The following DHX40 variants were observed in gnomAD, a reference collection of about 807,000 sequenced individuals.
The protein encoded by DHX40 is DEAH-box helicase 40.
In DHX40, 28 loss-of-function variants were observed where a neutral mutation model predicts 89.6. The observed-to-expected ratio is 0.31, with a 90% confidence interval of 0.23 to 0.43. The LOEUF is 0.43. Ranked by LOEUF, DHX40 falls within the 20% of genes least tolerant of loss-of-function variation. DHX40 has a pLI of 1.00. For missense variants in DHX40, 457 were observed against 844.0 expected, an observed-to-expected ratio of 0.54 and a Z score of 5.68; for synonymous variants, 226 against 283.6, an observed-to-expected ratio of 0.80 and a Z score of 2.04.
At chr17:59,570,746 C>T (rs755943490) in intron 3 of DHX40, 83 bp downstream of exon 3, 10 of 1,399,436 alleles carry the variant, frequency 7.1e-6, no homozygotes, top group Admixed American at 6.9e-5. Flanking sequence ...GTGCGTGGCG[C>T]AATCATGGCT....
intron 6 of DHX40, among the ~76,000 whole-genome samples, chr17:59,574,995 A>T (rs906607053): frequency 3.3e-5 from 5 of 152,070 alleles, no homozygotes; most frequent in Admixed American, 3.3e-4. Flanking sequence ...GCCTTTTTGG[A>T]GATTACTTAA....
chr17:59,570,059 A>G (rs954082016), intron 2 of DHX40, among the ~76,000 whole-genome samples: 2 of 98,822 alleles, frequency 2.0e-5, no homozygotes, highest in Non-Finnish European at 3.3e-5. Flanking sequence ...TATATAATAT[A>G]CATTATATTA....
At chr17:59,595,344 A>G (rs1043247499) in intron 12 of DHX40, among the ~76,000 whole-genome samples, 3 of 152,086 alleles carry the variant, frequency 2.0e-5, no homozygotes, top group East Asian at 3.8e-4. Context: ...CGGCCTCCCA[A>G]CATGCTGGGA....
At chr17:59,568,941 A>T (rs537523530) in intron 2 of DHX40, among the ~76,000 whole-genome samples, 1 of 152,040 alleles carries the variant, frequency 6.6e-6, no homozygotes, top group Non-Finnish European at 1.5e-5. Flanking sequence ...AGTTCAAGCA[A>T]TCCTCCTACC....
At position 59,586,195 on chromosome 17, in the gene DHX40, A is replaced by C; in HGVS notation, c.1386A>C (p.Glu462Asp). 8 of 1,593,112 alleles carry C rather than the reference A, an allele frequency of 5.0e-6. No homozygotes were observed. The highest frequency in any genetic ancestry group is 1.1e-5 in the South Asian group (1 of 87,196). ...CACCTAATGAGAGACTTATTTTAGA[A>C]GCTCTTAAACAACTTTACCAGTGTG... ...LDPPNERLIL[E>D]ALKQLYQCDA... The change falls in exon 11 of 18, where the codon GAA becomes GAC. Residue 462 changes from glutamate to aspartate, a missense_variant. Physicochemically the swap from Glu to Asp is conservative, Grantham distance 45. Around this residue, in one of 9 missense-constraint regions of DHX40, gnomAD observed 19 missense variants for 110.3 expected, o/e 0.17. Transcript: ENST00000251241.
At position 59,607,253 on chromosome 17, in the gene DHX40, C is replaced by G. The variant is rs774685746; in HGVS notation, c.*81C>G. The G allele has an allele frequency of 6.2e-7, 1 of 1,613,660 alleles. No homozygotes were observed. Among genetic ancestry groups the G allele is most frequent in the Non-Finnish European group, 8.5e-7 (1 of 1,179,850 alleles). On this transcript the variant is annotated 3_prime_UTR_variant, in exon 18 of 18. Coordinates refer to ENST00000251241, the MANE Select transcript of DHX40 (RefSeq NM_024612.5). The stretch of plus-strand genomic sequence containing the variant: ...ACTTTGCCAGTTATTTCAGACAGCA[C>G]TACCAAGAGGAGGTGGTCAGCACTT...
At chr17:59,602,417 T>C in intron 14 of DHX40, 105 bp from the exon 15 acceptor site, 1 of 1,014,878 alleles carries the variant, frequency 9.9e-7, no homozygotes, top group East Asian at 2.6e-5. Flanking sequence ...TCTTAATCTA[T>C]GTTGGCCAGA....
rs2030956134 is a variant in DHX40 at position 59,607,888 on chromosome 17, A to G, written c.*716A>G. ...ACCAAAGGACAGATGATATATATAT[A>G]TATGATATATATATATATATAAGTT... On this transcript the variant is annotated 3_prime_UTR_variant, in exon 18 of 18. Coordinates refer to ENST00000251241, the MANE Select transcript of DHX40 (RefSeq NM_024612.5). 1 of 150,390 alleles carries G rather than the reference A, an allele frequency of 6.6e-6. No homozygotes were observed. Among genetic ancestry groups the G allele is most frequent in the South Asian group, 2.1e-4 (1 of 4,814 alleles). 9.3% of individuals were successfully genotyped at this position (150,390 alleles called of 1,614,324 possible). A position where few individuals can be genotyped will look rare whatever the true frequency, so the allele number is the denominator to read the frequency against.
rs542457474 is a variant in DHX40, at chr17:59,599,133, G to A, written c.1698-242G>A. On this transcript the variant is annotated intron_variant, in intron 13 of 17. Coordinates refer to ENST00000251241, the MANE Select transcript of DHX40 (RefSeq NM_024612.5). Reference sequence around the variant, plus strand: ...TAGATTAAAAAATGATTGGATATTTGTTATTGCATATATAAGTAAAGAAAT... The same window carrying A: ...TAGATTAAAAAATGATTGGATATTTATTATTGCATATATAAGTAAAGAAAT... Among the ~76,000 whole-genome samples the A allele has an allele frequency of 4.2e-3, 636 of 151,644 alleles. 13 individuals are homozygous for A. The highest frequency in any genetic ancestry group is 3.4e-3 in the Middle Eastern group (1 of 294).
intron 2 of DHX40, among the ~76,000 whole-genome samples, chr17:59,567,590 C>T (rs2048724754): frequency 1.3e-5 from 2 of 152,096 alleles, no homozygotes; most frequent in African/African-American, 4.8e-5. Flanking sequence ...TTTTATGAGA[C>T]GATGGGTTGA....
chr17:59,605,072 C>A (rs749366899), intron 15 of DHX40, 43 bp from the exon 16 acceptor site: 1 of 1,530,022 alleles, frequency 6.5e-7, no homozygotes, highest in Admixed American at 1.7e-5. Context: ...TACTTCATTG[C>A]TTTACTGTTG....
intron 10 of DHX40, among the ~76,000 whole-genome samples, chr17:59,585,907 G>A (rs538725625): frequency 5.0e-4 from 76 of 151,408 alleles, no homozygotes; most frequent in African/African-American, 1.8e-3. Context: ...TAAGTAGACT[G>A]GTGAGAGTAT....
intron 3 of DHX40, 61 bp downstream of exon 3, chr17:59,570,724 G>C (rs953765591): frequency 1.3e-6 from 2 of 1,517,776 alleles, no homozygotes; most frequent in South Asian, 1.3e-5. Context: ...TTGCTCTGTC[G>C]CCCAGCCTGG....
intron 12 of DHX40, among the ~76,000 whole-genome samples, chr17:59,588,751 CT>C (rs1219535433): frequency 3.3e-5 from 5 of 152,172 alleles, no homozygotes; most frequent in African/African-American, 1.2e-4. Context: ...TTGACATTGA[CT>C]TTTGCAGAGC....
At chr17:59,569,312 A>G (rs1200462677) in intron 2 of DHX40, among the ~76,000 whole-genome samples, 1 of 150,604 alleles carries the variant, frequency 6.6e-6, no homozygotes. Flanking sequence ...TGGGCAACAG[A>G]GCAAGACTCT....
At chr17:59,566,208 G>A (rs1003229218) in intron 1 of DHX40, among the ~76,000 whole-genome samples, 4 of 152,040 alleles carry the variant, frequency 2.6e-5, no homozygotes, top group African/African-American at 9.7e-5. Context: ...CTCTGAACAG[G>A]GACCTAACTT....
At chr17:59,571,560 C>A (rs1258643429) in intron 3 of DHX40, among the ~76,000 whole-genome samples, 1 of 151,606 alleles carries the variant, frequency 6.6e-6, no homozygotes, top group East Asian at 1.9e-4. Flanking sequence ...TAGATTAAAA[C>A]CCCCATTTCT....
intron 13 of DHX40, 91 bp downstream of exon 13, chr17:59,598,942 A>G (rs2030297639): frequency 4.4e-6 from 3 of 679,270 alleles, no homozygotes; most frequent in Non-Finnish European, 8.1e-6. Flanking sequence ...ACTAACGTTC[A>G]GTGAAGATGA....
chr17:59,592,954 ATGTT>A (rs1446831803), intron 12 of DHX40, among the ~76,000 whole-genome samples: 1 of 104,822 alleles, frequency 9.5e-6, no homozygotes, highest in Non-Finnish European at 1.6e-5. Flanking sequence ...AACATAATGT[ATGTT>A]AAGGTTTATT....
Sources: gnomAD v4.1 joint callset for allele counts (sites outside exome capture counted in the v4.1 genomes callset) on GRCh38, gnomAD v4.1.1 for gene constraint, gnomAD v4.1.1 regional missense constraint, MANE v1.5 for transcripts, NCBI Gene and HGNC (gene_info 2026-07-23, HGNC 2026-07-21) for gene names.